MSL2: variants seen among roughly 807,000 people sequenced by gnomAD.
The protein encoded by MSL2 is E3 ubiquitin-protein ligase MSL2.
Under a neutral mutation model 35.8 loss-of-function variants are expected in MSL2, and 2 were observed. The observed-to-expected ratio is 0.06, with a 90% CI of 0.02 to 0.18. MSL2 has a LOEUF of 0.18. Among genes scored for constraint, MSL2 ranks in the 10% least tolerant of loss-of-function variants. MSL2 has a pLI of 1.00. For missense variants in MSL2, 523 were observed against 706.7 expected, an observed-to-expected ratio of 0.74 and a Z score of 2.95; for synonymous variants, 296 against 255.7, an observed-to-expected ratio of 1.16 and a Z score of -1.50.
In MSL2 at chr3:136,155,805, C is replaced by A. The variant is rs977217131; in HGVS notation, c.143-3067G>T. The A allele has an allele frequency of 5.2e-5, 30 of 572,920 alleles. No homozygotes were observed. In the Admixed American group the frequency reaches 5.7e-4, roughly 11 times the overall value. The allele number at this position is 572,920 out of a possible 1,614,324, so 35.5% of individuals were successfully genotyped here. The stretch of plus-strand genomic sequence containing the variant: ...AACTGTGGGTCTGTGCCCCGTGACA[C>A]CCGGCTGCCCAAGAACTGTTCTATG... On this transcript the variant is annotated intron_variant, in intron 1 of 1. Coordinates refer to ENST00000309993, the MANE Select transcript of MSL2 (RefSeq NM_018133.4).
At chr3:136,194,951 G>A (rs558672518) in intron 1 of MSL2, 21 bp downstream of exon 1, 32 of 1,613,240 alleles carry the variant, frequency 2.0e-5, no homozygotes, top group African/African-American at 1.3e-5. Context: ...ATTGAAAAGG[G>A]AACAATAAAA....
rs571767298 is a variant in MSL2, at chr3:136,194,187, T to C, written c.142+785A>G. The stretch of plus-strand genomic sequence containing the variant: ...CAGTCCAGGTTTTTCGAAAAGCAAG[T>C]AATTATTACACACGCACAGTTAACA... On this transcript the variant is annotated intron_variant, in intron 1 of 1. Transcript: ENST00000309993. Among the ~76,000 whole-genome samples the C allele has an allele frequency of 1.4e-3, 213 of 152,332 alleles. 3 individuals are homozygous for C. Among genetic ancestry groups the C allele is most frequent in the African/African-American group, 4.5e-3 (187 of 41,580 alleles).
At chr3:136,191,429 C>G (rs1940687284) in intron 1 of MSL2, among the ~76,000 whole-genome samples, 1 of 147,966 alleles carries the variant, frequency 6.8e-6, no homozygotes, top group African/African-American at 2.5e-5. Context: ...GATTGCGCCA[C>G]TGCACTCCAG....
intron 1 of MSL2, chr3:136,155,778 A>C: frequency 1.8e-6 from 1 of 564,562 alleles, no homozygotes; most frequent in Non-Finnish European, 3.6e-6. Context: ...GTATGCAAAG[A>C]GAACTGTGGG....
At chr3:136,166,690 A>G (rs1320036208) in intron 1 of MSL2, among the ~76,000 whole-genome samples, 1 of 152,162 alleles carries the variant, frequency 6.6e-6, no homozygotes, top group African/African-American at 2.4e-5. Flanking sequence ...TTGAGAGGCA[A>G]ATAGCGCTAA....
chr3:136,194,834 A>C (rs1408671660), intron 1 of MSL2, 138 bp downstream of exon 1: 1 of 1,377,120 alleles, frequency 7.3e-7, no homozygotes, highest in Non-Finnish European at 9.9e-7. Context: ...GCAAGTTTCA[A>C]AACTAATGAC....
At chr3:136,179,315 T>C (rs145181735) in intron 1 of MSL2, among the ~76,000 whole-genome samples, 70 of 151,996 alleles carry the variant, frequency 4.6e-4, no homozygotes, top group Non-Finnish European at 8.5e-4. Flanking sequence ...AGCTCCCGAG[T>C]AGCTGGGATT....
At position 136,152,482 on chromosome 3, in the gene MSL2, A is replaced by C. The variant is rs746922120; in HGVS notation, c.399T>G (p.Leu133=). ...VDCSSDILAL[L]NDGSLFCEET... ...CCTCACAAAACAATGATCCATCATT[A>C]AGCAAAGCCAAAATATCAGAAGAAC... Residue 133 remains leucine, a synonymous_variant, in exon 2 of 2, where the codon CTT becomes CTG. Transcript: ENST00000309993. 3.7e-6 allele frequency: 6 copies of C among 1,614,118 alleles called. No homozygotes were observed. In the South Asian group the frequency reaches 6.6e-5, roughly 18 times the overall value.
At chr3:136,170,065 G>A (rs1359095343) in intron 1 of MSL2, among the ~76,000 whole-genome samples, 5 of 145,128 alleles carry the variant, frequency 3.4e-5, no homozygotes, top group South Asian at 2.2e-4. Context: ...AAAAATCAGC[G>A]GGGCGGTGGC....
chr3:136,160,571 G>A (rs1939681433), intron 1 of MSL2, among the ~76,000 whole-genome samples: 3 of 151,832 alleles, frequency 2.0e-5, no homozygotes, highest in Non-Finnish European at 4.4e-5. Context: ...TTAGCTGGCT[G>A]TGGTGGCATG....
At chr3:136,185,548 G>A (rs78504955) in intron 1 of MSL2, among the ~76,000 whole-genome samples, 6 of 140,532 alleles carry the variant, frequency 4.3e-5, no homozygotes, top group South Asian at 4.8e-4. Flanking sequence ...GGAGGGGGGG[G>A]TGGGGGAAGG....
intron 1 of MSL2, among the ~76,000 whole-genome samples, chr3:136,191,243 C>T (rs1385877349): frequency 2.0e-5 from 3 of 151,778 alleles, no homozygotes; most frequent in African/African-American, 4.8e-5. Context: ...CCAAGGCGGG[C>T]GGATCACAAG....
At chr3:136,190,225 G>A (rs187520287) in intron 1 of MSL2, among the ~76,000 whole-genome samples, 2 of 152,262 alleles carry the variant, frequency 1.3e-5, no homozygotes, top group Non-Finnish European at 2.9e-5. Flanking sequence ...TGTGCCATGT[G>A]TCTTATTCAT....
rs1939268201 is a variant in MSL2, at chr3:136,149,285, AAAG to A, written c.*1859_*1861del. The A allele has an allele frequency of 6.6e-6, 1 of 152,608 alleles. No individual in the cohort carries two copies. Among genetic ancestry groups the A allele is most frequent in the Admixed American group, 6.5e-5 (1 of 15,276 alleles). The allele number at this position is 152,608 out of a possible 1,614,324, so 9.5% of individuals were successfully genotyped here. A position where few individuals can be genotyped will look rare whatever the true frequency, so the allele number is the denominator to read the frequency against. On this transcript the variant is annotated 3_prime_UTR_variant, in exon 2 of 2. Coordinates refer to ENST00000309993, the MANE Select transcript of MSL2 (RefSeq NM_018133.4). ...ATTTTTGCAGTGATCATTAGTGAATAAAGAACAGATTTACAACTTTATATAGCA... is the reference window on the plus strand; with the variant it reads ...ATTTTTGCAGTGATCATTAGTGAATAAACAGATTTACAACTTTATATAGCA...
chr3:136,180,803 AGGGAG>A lies in MSL2; in HGVS notation c.142+14164_142+14168del, dbSNP rs1246553173. Reference sequence around the variant, plus strand: ...GAGGGAGGGAGGGAGGGAGGGAGGGAGGGAGGGAAGGAGGGAAGGAAGGAAGGAAG... The same window carrying A: ...GAGGGAGGGAGGGAGGGAGGGAGGGAGGAAGGAGGGAAGGAAGGAAGGAAG... On this transcript the variant is annotated intron_variant, in intron 1 of 1. Coordinates refer to ENST00000309993, the MANE Select transcript of MSL2 (RefSeq NM_018133.4). Among the ~76,000 whole-genome samples, 376 of 92,292 alleles carry A rather than the reference AGGGAG, an allele frequency of 4.1e-3. 25 individuals are homozygous for A. The highest frequency in any genetic ancestry group is 0.015 in the African/African-American group (345 of 22,764). The allele number at this position is 92,292 out of a possible 152,430, so 60.5% of individuals were successfully genotyped here.
chr3:136,179,963 G>A (rs916560024), intron 1 of MSL2, among the ~76,000 whole-genome samples: 11 of 152,264 alleles, frequency 7.2e-5, no homozygotes, highest in Admixed American at 3.9e-4. Flanking sequence ...CTACTCAAGA[G>A]GCTGAGGCAA....
At chr3:136,188,314 G>C (rs1297195267) in intron 1 of MSL2, among the ~76,000 whole-genome samples, 4 of 151,898 alleles carry the variant, frequency 2.6e-5, no homozygotes, top group Admixed American at 6.6e-5. Context: ...CATGCCTATA[G>C]TCCCAGTTAC....
intron 1 of MSL2, among the ~76,000 whole-genome samples, chr3:136,189,120 A>AC (rs1411299697): frequency 1.1e-5 from 1 of 88,284 alleles, no homozygotes; most frequent in African/African-American, 4.1e-5. Flanking sequence ...AAAAAAAAAA[A>AC]AAAAAAAAAA....
At chr3:136,180,988 TTAAATAA>T (rs1472811079) in intron 1 of MSL2, among the ~76,000 whole-genome samples, 7 of 149,792 alleles carry the variant, frequency 4.7e-5, no homozygotes, top group Non-Finnish European at 1.5e-5. Context: ...TCTGACTCTA[TTAAATAA>T]AAAAAAAAAA....
Sources: allele counts gnomAD v4.1 joint callset (sites outside exome capture counted in the v4.1 genomes callset), GRCh38; gene constraint gnomAD v4.1.1; transcripts MANE v1.5; gene names NCBI Gene and HGNC (gene_info 2026-07-23, HGNC 2026-07-21).